Variants in HOMER1 observed in about 807,000 individuals in gnomAD.
HOMER1 encodes homer scaffold protein 1, also known as homer protein homolog 1.
In HOMER1, 3 loss-of-function variants were observed where a neutral mutation model predicts 48.9. That is an observed-to-expected ratio of 0.06 (90% CI 0.03 to 0.16). The LOEUF is 0.16. Ranked by LOEUF, HOMER1 falls within the 10% of genes least tolerant of loss-of-function variation. The pLI is 1.00. For synonymous variants in HOMER1, 134 were observed against 146.4 expected (o/e 0.92, Z 0.61); for missense variants, 247 against 411.4 (o/e 0.60, Z 3.46).
At chr5:79,485,522 T>A (rs1245848258) in intron 1 of HOMER1, among the ~76,000 whole-genome samples, 1 of 152,200 alleles carries the variant, frequency 6.6e-6, no homozygotes, top group Non-Finnish European at 1.5e-5. Flanking sequence ...CTTTCCTTAG[T>A]GCGAATGTAA....
At chr5:79,484,615 C>T (rs975103297) in intron 1 of HOMER1, among the ~76,000 whole-genome samples, 1 of 152,014 alleles carries the variant, frequency 6.6e-6, no homozygotes, top group Admixed American at 6.6e-5. Context: ...AAAGCAACAA[C>T]CTATATGATG....
intron 1 of HOMER1, among the ~76,000 whole-genome samples, chr5:79,505,292 A>G (rs1752716805): frequency 6.6e-6 from 1 of 152,154 alleles, no homozygotes; most frequent in Admixed American, 6.5e-5. Context: ...ATGAGAAATT[A>G]GGAACAAACC....
At chr5:79,378,938 A>C (rs1299747071) in intron 8 of HOMER1, among the ~76,000 whole-genome samples, 5 of 150,710 alleles carry the variant, frequency 3.3e-5, no homozygotes, top group Non-Finnish European at 5.9e-5. Context: ...AAAAGGACCT[A>C]ATACACTGCT....
chr5:79,376,541 A>G (rs1250658597), intron 8 of HOMER1, among the ~76,000 whole-genome samples: 4 of 152,176 alleles, frequency 2.6e-5, no homozygotes, highest in Non-Finnish European at 5.9e-5. Flanking sequence ...CTGTCCACCT[A>G]TTTCTCCTAA....
At chr5:79,442,029 AT>A (rs1485280019) in intron 4 of HOMER1, among the ~76,000 whole-genome samples, 1 of 151,908 alleles carries the variant, frequency 6.6e-6, no homozygotes, top group Non-Finnish European at 1.5e-5. Flanking sequence ...AAAGCAAAAA[AT>A]AAAATGAAAT....
chr5:79,397,832 C>G, intron 6 of HOMER1, 195 bp from the exon 7 acceptor site: 1 of 398,150 alleles, frequency 2.5e-6, no homozygotes, highest in Non-Finnish European at 4.4e-6. Flanking sequence ...GAAAAATAAT[C>G]ATTTACATGG....
At chr5:79,469,937 T>C (rs1385008163) in intron 1 of HOMER1, among the ~76,000 whole-genome samples, 5 of 152,208 alleles carry the variant, frequency 3.3e-5, no homozygotes, top group Admixed American at 3.3e-4. Context: ...CTCTATTTCA[T>C]AAAAGTAGTG....
intron 5 of HOMER1, among the ~76,000 whole-genome samples, chr5:79,414,301 T>G (rs1749886603): frequency 6.6e-6 from 1 of 151,694 alleles, no homozygotes; most frequent in African/African-American, 2.4e-5. Flanking sequence ...TGCAGTGTTG[T>G]CCAGGCTGGT....
chr5:79,496,681 G>A (rs1267712849), intron 1 of HOMER1, among the ~76,000 whole-genome samples: 1 of 152,062 alleles, frequency 6.6e-6, no homozygotes, highest in East Asian at 1.9e-4. Context: ...CACAGCTGAG[G>A]CTCACCAGAT....
chr5:79,413,980 T>C (rs1749874700), intron 5 of HOMER1, among the ~76,000 whole-genome samples: 1 of 152,198 alleles, frequency 6.6e-6, no homozygotes, highest in African/African-American at 2.4e-5. Flanking sequence ...AATTTTCTAT[T>C]AGATATAACT....
In HOMER1 at chr5:79,402,626, CA is replaced by C. The variant is rs1749560408; in HGVS notation, c.528-572del. On this transcript the variant is annotated intron_variant, in intron 5 of 8. Transcript: ENST00000334082. ...TTTCCAACCTTCATTATGACAGATA[CA>C]GTTATCTACAGAAGAGTTTCCACCC... is the stretch of plus-strand genomic sequence containing the variant. 2.0e-5 allele frequency among the ~76,000 whole-genome samples: 3 copies of C among 152,208 alleles called. No homozygotes were observed. The East Asian group carries it at 5.8e-4, about 29-fold the overall frequency.
intron 1 of HOMER1, among the ~76,000 whole-genome samples, chr5:79,502,155 G>T (rs1752611610): frequency 6.6e-6 from 1 of 151,478 alleles, no homozygotes; most frequent in South Asian, 2.1e-4. Flanking sequence ...AAGTAGCTGG[G>T]ATTACAAGTG....
intron 1 of HOMER1, among the ~76,000 whole-genome samples, chr5:79,490,155 A>C (rs994752509): frequency 2.8e-4 from 42 of 152,362 alleles, no homozygotes; most frequent in Non-Finnish European, 4.9e-4. Flanking sequence ...GGCACACAGT[A>C]ATTACTCAGT....
intron 8 of HOMER1, among the ~76,000 whole-genome samples, chr5:79,383,247 C>G (rs1749025999): frequency 6.6e-6 from 1 of 152,068 alleles, no homozygotes; most frequent in African/African-American, 2.4e-5. Flanking sequence ...CAGATAGATT[C>G]CAATACAATA....
intron 1 of HOMER1, among the ~76,000 whole-genome samples, chr5:79,505,383 G>A (rs958831878): frequency 3.3e-5 from 5 of 152,210 alleles, no homozygotes. Context: ...CATGGATCCA[G>A]ACATGCCAAT....
chr5:79,454,342 T>C (rs1267462093), intron 2 of HOMER1, among the ~76,000 whole-genome samples: 1 of 152,186 alleles, frequency 6.6e-6, no homozygotes, highest in Admixed American at 6.5e-5. Flanking sequence ...AGGATTGTTA[T>C]CTTTTTCTGT....
At chr5:79,418,488 G>A (rs113263147) in intron 5 of HOMER1, among the ~76,000 whole-genome samples, 7 of 100,154 alleles carry the variant, frequency 7.0e-5, no homozygotes, top group Middle Eastern at 4.6e-3. Context: ...CCCTTTCAGC[G>A]GACATTTGCT....
chr5:79,492,106 T>C (rs1752293864), intron 1 of HOMER1, among the ~76,000 whole-genome samples: 1 of 152,220 alleles, frequency 6.6e-6, no homozygotes, highest in Admixed American at 6.5e-5. Flanking sequence ...AGTCCAACAA[T>C]ATAGAGCTTG....
intron 5 of HOMER1, among the ~76,000 whole-genome samples, chr5:79,418,116 C>T (rs1307453053): frequency 1.3e-5 from 2 of 152,172 alleles, no homozygotes; most frequent in Non-Finnish European, 2.9e-5. Context: ...TAGCATGTTA[C>T]TTGTGGCAGA....
Sources: allele counts gnomAD v4.1 joint callset (sites outside exome capture counted in the v4.1 genomes callset), GRCh38; gene constraint gnomAD v4.1.1; transcripts MANE v1.5; gene names NCBI Gene and HGNC (gene_info 2026-07-23, HGNC 2026-07-21).